SLC4A7: variants seen among roughly 807,000 people sequenced by gnomAD.
The protein encoded by SLC4A7 is solute carrier family 4 member 7.
A neutral mutation model predicts 137.6 loss-of-function variants in SLC4A7; 51 were observed. That is an observed-to-expected ratio of 0.37 (90% CI 0.30 to 0.47). The LOEUF is 0.47. SLC4A7 is among the 20% of genes least tolerant of loss of function. SLC4A7 has a pLI of 1.00. For synonymous variants in SLC4A7, 542 were observed against 518.6 expected (o/e 1.05, Z -0.61); for missense variants, 1,247 against 1,525.4 (o/e 0.82, Z 3.04).
At chr3:27,427,880 T>C (rs1172915165) in intron 7 of SLC4A7, among the ~76,000 whole-genome samples, 2 of 152,144 alleles carry the variant, frequency 1.3e-5, no homozygotes, top group African/African-American at 2.4e-5. Context: ...TGGGAAAAAA[T>C]GTATGTTGGA....
chr3:27,389,999 G>C lies in SLC4A7; in HGVS notation c.3292C>G (p.Gln1098Glu). 6.2e-7 allele frequency: 1 copy of C among 1,613,788 alleles called. No individual in the cohort carries two copies. Among genetic ancestry groups the C allele is most frequent in the Non-Finnish European group, 8.5e-7 (1 of 1,179,754 alleles). The change falls in exon 22 of 26, where the codon CAG becomes GAG. Residue 1098 changes from glutamine (Q) to glutamate (E), a missense_variant. This residue lies in a region of SLC4A7 where 290 missense variants were observed against 323.8 expected (regional missense o/e 0.90). Coordinates refer to ENST00000454389, the MANE Select transcript of SLC4A7 (RefSeq NM_001321103.2). ...LWKVHIFTVIQLTCLVLLWVI... is the reference protein window; with the variant it reads ...LWKVHIFTVIELTCLVLLWVI... ...CATAAAAGGACCAAACAAGTAAGCTGAATGACTGTGAAAATATGGACCTTC... is the reference window on the plus strand; with the variant it reads ...CATAAAAGGACCAAACAAGTAAGCTCAATGACTGTGAAAATATGGACCTTC...
At chr3:27,460,975 A>G (rs2058666182) in intron 1 of SLC4A7, among the ~76,000 whole-genome samples, 1 of 152,186 alleles carries the variant, frequency 6.6e-6, no homozygotes, top group Non-Finnish European at 1.5e-5. Flanking sequence ...TGAAAATAAA[A>G]TGAACCTGTT....
chr3:27,441,419 T>C, intron 3 of SLC4A7, among the ~76,000 whole-genome samples: 1 of 152,218 alleles, frequency 6.6e-6, no homozygotes, highest in East Asian at 1.9e-4. Flanking sequence ...TCATCCCTGA[T>C]GCCATCTGAG....
chr3:27,403,535 C>T (rs935055977), intron 14 of SLC4A7, 151 bp from the exon 15 acceptor site: 3 of 461,312 alleles, frequency 6.5e-6, no homozygotes, highest in Non-Finnish European at 1.2e-5. Context: ...CTAGAAATAA[C>T]TCTATATCTT....
chr3:27,401,573 C>T (rs913511547), intron 15 of SLC4A7, among the ~76,000 whole-genome samples: 12 of 152,140 alleles, frequency 7.9e-5, no homozygotes, highest in African/African-American at 1.7e-4. Flanking sequence ...TCCATCCAGG[C>T]GCTTTTAGTA....
At chr3:27,464,383 T>G (rs961443391) in intron 1 of SLC4A7, among the ~76,000 whole-genome samples, 2 of 152,062 alleles carry the variant, frequency 1.3e-5, no homozygotes, top group African/African-American at 4.8e-5. Context: ...TCATTAAGGG[T>G]GAAATAGTGA....
chr3:27,391,730 T>G lies in SLC4A7; in HGVS notation c.3186+10A>C. The G allele has an allele frequency of 1.3e-6, 2 of 1,492,128 alleles. No individual in the cohort carries two copies. Among genetic ancestry groups the G allele is most frequent in the Non-Finnish European group, 1.9e-6 (2 of 1,079,882 alleles). The allele number at this position is 1,492,128 out of a possible 1,614,324, so 92.4% of individuals were successfully genotyped here. On this transcript the variant is annotated intron_variant, in intron 21 of 25. Coordinates refer to ENST00000454389, the MANE Select transcript of SLC4A7 (RefSeq NM_001321103.2). The stretch of plus-strand genomic sequence containing the variant: ...TTTCTATAGAAAATCATTAAATACT[T>G]AAAACTTGCCTGGATTCCTTTTAAT...
chr3:27,430,043 C>T (rs1270005069), intron 7 of SLC4A7, among the ~76,000 whole-genome samples: 3 of 149,158 alleles, frequency 2.0e-5, no homozygotes, highest in South Asian at 2.1e-4. Flanking sequence ...CAGCAAGATA[C>T]CGTCTCTACA....
chr3:27,418,555 T>C lies in SLC4A7; in HGVS notation c.1590A>G (p.Val530=). The C allele has an allele frequency of 1.2e-6, 2 of 1,606,900 alleles. No individual in the cohort carries two copies. Among genetic ancestry groups the C allele is most frequent in the Non-Finnish European group, 8.5e-7 (1 of 1,173,564 alleles). ...CCCACTCTCCTGGAGGTAGGACAGT[T>C]ACTTGATCTAAAAATTCATCAATTC... ...LSGIDEFLDQ[V]TVLPPGEWDP... is the part of the protein sequence containing the mutation. Residue 530 remains valine (V), a synonymous_variant, in exon 11 of 26, where the codon GTA becomes GTG. Coordinates refer to ENST00000454389, the MANE Select transcript of SLC4A7 (RefSeq NM_001321103.2).
intron 22 of SLC4A7, among the ~76,000 whole-genome samples, chr3:27,389,464 T>A (rs943064614): frequency 6.6e-6 from 1 of 152,202 alleles, no homozygotes; most frequent in Non-Finnish European, 1.5e-5. Flanking sequence ...AGAATGTACA[T>A]TCTCTATTTG....
chr3:27,465,642 G>C (rs1329442309), intron 1 of SLC4A7, among the ~76,000 whole-genome samples: 1 of 152,042 alleles, frequency 6.6e-6, no homozygotes, highest in African/African-American at 2.4e-5. Context: ...GGGAAACCGA[G>C]AAATTTTAAA....
intron 1 of SLC4A7, among the ~76,000 whole-genome samples, chr3:27,473,632 C>CG (rs1240252716): frequency 2.2e-5 from 3 of 139,128 alleles, no homozygotes; most frequent in Non-Finnish European, 4.5e-5. Context: ...TGTTTGAGCC[C>CG]GGGGGGTGGA....
chr3:27,484,221 G>A lies in SLC4A7; in HGVS notation c.-95C>T. On this transcript the variant is annotated 5_prime_UTR_variant, in exon 1 of 26. Transcript: ENST00000454389. ...CCCTGCCGCCGCCGCCGAGCCCCCGGCGCGCGAGGACAAACGTGGGTGCGT... is the reference window on the plus strand; with the variant it reads ...CCCTGCCGCCGCCGCCGAGCCCCCGACGCGCGAGGACAAACGTGGGTGCGT... The A allele has an allele frequency of 9.3e-7, 1 of 1,071,540 alleles. No individual in the cohort carries two copies. The highest frequency in any genetic ancestry group is 1.2e-6 in the Non-Finnish European group (1 of 844,424). 66.4% of individuals were successfully genotyped at this position (1,071,540 alleles called of 1,614,324 possible). A position where few individuals can be genotyped will look rare whatever the true frequency, so the allele number is the denominator to read the frequency against.
Position 27,420,750 on chromosome 3 carries a change from G to A in SLC4A7, c.1462C>T (p.Pro488Ser), listed in dbSNP as rs752608162. 8.1e-5 allele frequency: 131 copies of A among 1,613,558 alleles called. No individual in the cohort carries two copies. Among genetic ancestry groups the A allele is most frequent in the Non-Finnish European group, 1.1e-4 (126 of 1,179,796 alleles). Residue 488 changes from proline to serine, a missense_variant, in exon 10 of 26, where the codon CCA (proline) becomes TCA (serine). Physicochemically the swap from Pro to Ser is moderately conservative, Grantham distance 74 (BLOSUM62 -1). Coordinates refer to ENST00000454389, the MANE Select transcript of SLC4A7 (RefSeq NM_001321103.2). ...FLLLGPAGKA[P>S]QYHEIGRSIA... ...GATCGTCCAATTTCATGGTACTGTG[G>A]TGCCTTGCCCGCTGGACCCAATAAC...
At chr3:27,456,905 GTAA>G in intron 1 of SLC4A7, 1 of 984,816 alleles carries the variant, frequency 1.0e-6, no homozygotes, top group Non-Finnish European at 1.2e-6. Context: ...GATTTGGAAA[GTAA>G]TATACACATT....
intron 18 of SLC4A7, among the ~76,000 whole-genome samples, chr3:27,395,672 C>A (rs2052078584): frequency 6.6e-6 from 1 of 152,246 alleles, no homozygotes; most frequent in South Asian, 2.1e-4. Flanking sequence ...TGACTGCACC[C>A]CACAGAGCAG....
In SLC4A7 at chr3:27,374,231, G is replaced by C. The variant is rs1253334095; in HGVS notation, c.*2533C>G. The C allele has an allele frequency of 6.6e-6, 1 of 152,416 alleles. No individual in the cohort carries two copies. The highest frequency in any genetic ancestry group is 1.9e-4 in the East Asian group (1 of 5,204). The allele number at this position is 152,416 out of a possible 1,614,324, so 9.4% of individuals were successfully genotyped here. ...TATCCTGAGGTGGCTCTGTGGCCAGGGTATTCAGTAGCACTAAGCTCCATT... is the reference window on the plus strand; with the variant it reads ...TATCCTGAGGTGGCTCTGTGGCCAGCGTATTCAGTAGCACTAAGCTCCATT... On this transcript the variant is annotated 3_prime_UTR_variant, in exon 26 of 26. Transcript: ENST00000454389.
At chr3:27,455,536 T>C (rs17682751) in intron 1 of SLC4A7, among the ~76,000 whole-genome samples, 27,541 of 151,682 alleles carry the variant, frequency 0.18, 2,921 homozygotes, top group Non-Finnish European at 0.25. Flanking sequence ...CAGTTTTCAA[T>C]GAGAGTGTTT....
At chr3:27,421,944 T>C (rs780161423) in intron 8 of SLC4A7, among the ~76,000 whole-genome samples, 165 bp from the exon 9 acceptor site, 2 of 151,984 alleles carry the variant, frequency 1.3e-5, no homozygotes, top group Non-Finnish European at 2.9e-5. Flanking sequence ...AAGAATGGAG[T>C]AGACATACAA....
Sources: allele counts gnomAD v4.1 joint callset (sites outside exome capture counted in the v4.1 genomes callset), GRCh38; gene constraint gnomAD v4.1.1; regional missense constraint gnomAD v4.1.1; transcripts MANE v1.5; gene names NCBI Gene and HGNC (gene_info 2026-07-23, HGNC 2026-07-21).